The following GBP7 variants were observed in gnomAD, a reference collection of about 807,000 sequenced individuals.
The protein encoded by GBP7 is guanylate binding protein 7.
A neutral mutation model predicts 61.3 loss-of-function variants in GBP7; 43 were observed. The ratio of observed to expected loss-of-function variants is 0.70; its 90% confidence interval spans 0.55 to 0.91. GBP7 has a LOEUF of 0.91. GBP7 is among the 40% of genes least tolerant of loss of function. GBP7 has a pLI of 0.00. For missense variants in GBP7, 717 were observed against 740.5 expected (o/e 0.97, Z 0.37); for synonymous variants, 267 against 271.0 (o/e 0.99, Z 0.14).
At chr1:89,146,213 A>C (rs551588834) in intron 8 of GBP7, among the ~76,000 whole-genome samples, 2 of 152,256 alleles carry the variant, frequency 1.3e-5, no homozygotes, top group Non-Finnish European at 2.9e-5. Context: ...AAAAGATAGT[A>C]TCTTTAATAA....
chr1:89,175,548 C>T (rs1647718410), intron 1 of GBP7, among the ~76,000 whole-genome samples: 1 of 152,140 alleles, frequency 6.6e-6, no homozygotes, highest in Non-Finnish European at 1.5e-5. Flanking sequence ...TAATGTGTTG[C>T]CTCTTTTTGC....
chr1:89,142,245 A>G lies in GBP7; in HGVS notation c.1366-597T>C, dbSNP rs569891793. On this transcript the variant is annotated intron_variant, in intron 8 of 10. Coordinates refer to ENST00000294671, the MANE Select transcript of GBP7 (RefSeq NM_207398.3). Reference sequence around the variant, plus strand: ...GGAGTAGTGGTGAATATAATGGAAAATTGAACAGTTGAGAAACTTTTTTTT... The same window carrying G: ...GGAGTAGTGGTGAATATAATGGAAAGTTGAACAGTTGAGAAACTTTTTTTT... Among the ~76,000 whole-genome samples the G allele has an allele frequency of 1.3e-4, 20 of 152,314 alleles. No homozygotes were observed. The South Asian group carries it at 2.9e-3, about 22-fold the overall frequency.
intron 2 of GBP7, among the ~76,000 whole-genome samples, chr1:89,167,191 A>G (rs61798770): frequency 2.4e-4 from 37 of 152,204 alleles, no homozygotes; most frequent in Non-Finnish European, 4.6e-4. Flanking sequence ...GAAACCATGC[A>G]TGGTATTCAC....
rs757164210 is a variant in GBP7, at chr1:89,132,297, G to A, written c.1769C>T (p.Pro590Leu). The A allele has an allele frequency of 2.5e-6, 4 of 1,613,808 alleles. No homozygotes were observed. In the South Asian group the frequency reaches 3.3e-5, roughly 13 times the overall value. ...ATCAAGAATCTGTGAAAACACTGAGGGCTCTTCATTTTCAGCTGCTTCAAT... is the reference window on the plus strand; with the variant it reads ...ATCAAGAATCTGTGAAAACACTGAGAGCTCTTCATTTTCAGCTGCTTCAAT... ...EQIEAAENEE[P>L]SVFSQILDVA... is the part of the protein sequence containing the mutation. Residue 590 changes from proline (P) to leucine (L), a missense_variant, in exon 11 of 11, where the codon CCC becomes CTC. Pro to Leu is a moderately conservative substitution (Grantham distance 98). Transcript: ENST00000294671.
intron 9 of GBP7, 27 bp downstream of exon 9, chr1:89,141,519 C>T (rs1174078592): frequency 6.3e-7 from 1 of 1,599,012 alleles, no homozygotes; most frequent in Admixed American, 1.7e-5. Context: ...TACCCATTTG[C>T]CTGAGAGCTG....
At chr1:89,159,556 A>C (rs1682388281) in intron 3 of GBP7, among the ~76,000 whole-genome samples, 1 of 152,266 alleles carries the variant, frequency 6.6e-6, no homozygotes. Flanking sequence ...GGCGAAGGAT[A>C]TGAACAGACA....
chr1:89,175,024 G>C (rs1647702960), intron 1 of GBP7, among the ~76,000 whole-genome samples: 1 of 152,112 alleles, frequency 6.6e-6, no homozygotes, highest in South Asian at 2.1e-4. Context: ...AAGTTAAAAG[G>C]AGTGAAAAGC....
At chr1:89,159,198 T>C (rs1570357003) in intron 3 of GBP7, among the ~76,000 whole-genome samples, 2 of 152,064 alleles carry the variant, frequency 1.3e-5, no homozygotes, top group Admixed American at 6.5e-5. Context: ...TTACACCTTA[T>C]AAAAAAATTA....
chr1:89,165,366 C>T (rs768565584), intron 2 of GBP7, among the ~76,000 whole-genome samples: 9 of 151,810 alleles, frequency 5.9e-5, no homozygotes, highest in South Asian at 2.1e-4. Context: ...CAGGCATGGT[C>T]GTGCACGCCT....
At chr1:89,158,832 A>C (rs1317864258) in intron 3 of GBP7, among the ~76,000 whole-genome samples, 6 of 152,142 alleles carry the variant, frequency 3.9e-5, no homozygotes, top group South Asian at 2.1e-4. Flanking sequence ...GCTACCAATG[A>C]CTTTCTTCAC....
intron 8 of GBP7, among the ~76,000 whole-genome samples, chr1:89,145,441 A>G (rs944110830): frequency 6.6e-6 from 1 of 152,114 alleles, no homozygotes; most frequent in Non-Finnish European, 1.5e-5. Context: ...ATAGATATGC[A>G]TATATATCAC....
chr1:89,163,358 A>G (rs1325738858), intron 3 of GBP7, among the ~76,000 whole-genome samples: 2 of 149,172 alleles, frequency 1.3e-5, no homozygotes, highest in East Asian at 3.9e-4. Flanking sequence ...TTCTTTGTAC[A>G]TCTGGTAAAT....
At chr1:89,161,162 T>A (rs1176542100) in intron 3 of GBP7, among the ~76,000 whole-genome samples, 2 of 152,228 alleles carry the variant, frequency 1.3e-5, no homozygotes, top group African/African-American at 4.8e-5. Flanking sequence ...TACCACATTT[T>A]CTTTATCTAG....
intron 2 of GBP7, among the ~76,000 whole-genome samples, chr1:89,170,961 A>C (rs1190530774): frequency 1.3e-5 from 2 of 152,258 alleles, no homozygotes; most frequent in African/African-American, 4.8e-5. Context: ...ATGATCCTGT[A>C]AACCAATGAA....
chr1:89,165,006 T>C lies in GBP7; in HGVS notation c.191-148A>G. On this transcript the variant is annotated intron_variant, in intron 2 of 10. Transcript: ENST00000294671. ...GCAAAGACAATCAATCAAATCTTTA[T>C]TTGTATAAATGACTTTCTCAGGAGG... 3 of 749,912 alleles carry C rather than the reference T, an allele frequency of 4.0e-6. No homozygotes were observed. In the East Asian group the frequency reaches 8.4e-5, roughly 21 times the overall value. 46.5% of individuals were successfully genotyped at this position (749,912 alleles called of 1,614,324 possible).
intron 8 of GBP7, among the ~76,000 whole-genome samples, chr1:89,144,649 A>G (rs1418406628): frequency 6.6e-6 from 1 of 152,170 alleles, no homozygotes; most frequent in Non-Finnish European, 1.5e-5. Flanking sequence ...GAACAGCATG[A>G]TATTTTGATA....
intron 9 of GBP7, among the ~76,000 whole-genome samples, chr1:89,136,386 A>G (rs1432363731): frequency 1.3e-5 from 2 of 152,150 alleles, no homozygotes; most frequent in African/African-American, 4.8e-5. Context: ...CATGGCACAT[A>G]CTCTAAAATT....
At chr1:89,172,760 C>CTT (rs58362214) in intron 1 of GBP7, among the ~76,000 whole-genome samples, 92 of 147,888 alleles carry the variant, frequency 6.2e-4, no homozygotes, top group East Asian at 1.2e-3. Flanking sequence ...TCTCATCATA[C>CTT]TTTTTTTTTT....
chr1:89,147,855 G>T, intron 7 of GBP7, 76 bp from the exon 8 acceptor site: 1 of 1,477,224 alleles, frequency 6.8e-7, no homozygotes. Flanking sequence ...CCTCTTGGAA[G>T]AAGTAGTCTC....
Sources: allele counts gnomAD v4.1 joint callset (sites outside exome capture counted in the v4.1 genomes callset), GRCh38; gene constraint gnomAD v4.1.1; transcripts MANE v1.5; gene names NCBI Gene and HGNC (gene_info 2026-07-23, HGNC 2026-07-21).